MUC7: variants seen among roughly 807,000 people sequenced by gnomAD.
MUC7 encodes the protein mucin 7, secreted, also known as mucin-7.
MUC7 carries 2 observed loss-of-function variants against 2.5 expected under a neutral mutation model. That is an observed-to-expected ratio of 0.81 (90% CI 0.33 to 2.55). The LOEUF (loss-of-function observed/expected upper bound fraction) is 2.55. Ranked by LOEUF, MUC7 falls within the 30% of genes most tolerant of loss-of-function variation. The probability of loss-of-function intolerance (pLI) is 0.11; values close to 1 mark genes in which losing one functional copy is unlikely to be tolerated. For missense variants in MUC7, 408 were observed against 455.6 expected (o/e 0.90, Z 0.95); for synonymous variants, 133 against 173.4 (o/e 0.77, Z 1.83).
intron 1 of MUC7, among the ~76,000 whole-genome samples, chr4:70,452,111 T>C (rs560848024): frequency 6.6e-6 from 1 of 152,312 alleles, no homozygotes; most frequent in African/African-American, 2.4e-5. Context: ...AGAATATATA[T>C]TTTCATTCTT....
At chr4:70,431,155 G>A (rs1350590996) in intron 1 of MUC7, among the ~76,000 whole-genome samples, 1 of 151,926 alleles carries the variant, frequency 6.6e-6, no homozygotes, top group Non-Finnish European at 1.5e-5. Context: ...ATCTCCAGGG[G>A]GAAAAACAGC....
intron 1 of MUC7, among the ~76,000 whole-genome samples, chr4:70,434,670 A>G (rs1446215960): frequency 1.3e-5 from 2 of 152,016 alleles, no homozygotes; most frequent in Non-Finnish European, 2.9e-5. Context: ...CAGCTCCTGG[A>G]TTCATTGATT....
At position 70,481,751 on chromosome 4, in the gene MUC7, C is replaced by T. The variant is rs1577919242; in HGVS notation, c.1007C>T (p.Ser336Leu). Reference sequence around the variant, plus strand: ...GCACCCACACACCAGACTACTACTTCGGTCACTACTCAAACTACTACTACT... The same window carrying T: ...GCACCCACACACCAGACTACTACTTTGGTCACTACTCAAACTACTACTACT... ...SAAPTHQTTT[S>L]VTTQTTTTKQ... Residue 336 changes from serine (S) to leucine (L), a missense_variant, in exon 3 of 3, where the codon TCG (serine) becomes TTG (leucine). Around this residue, in one of 3 missense-constraint regions of MUC7, gnomAD observed 175 missense variants for 187.1 expected, o/e 0.94. Coordinates refer to ENST00000304887, the MANE Select transcript of MUC7 (RefSeq NM_152291.3). 1.2e-6 allele frequency: 2 copies of T among 1,614,226 alleles called. No individual in the cohort carries two copies. The highest frequency in any genetic ancestry group is 8.5e-7 in the Non-Finnish European group (1 of 1,180,042).
At chr4:70,479,604 A>G (rs1248175685) in intron 2 of MUC7, among the ~76,000 whole-genome samples, 1 of 152,220 alleles carries the variant, frequency 6.6e-6, no homozygotes, top group East Asian at 1.9e-4. Flanking sequence ...ATAACTGATC[A>G]CTAAAAAATG....
intron 2 of MUC7, 47 bp from the exon 3 acceptor site, chr4:70,480,752 T>C: frequency 6.3e-7 from 1 of 1,584,848 alleles, no homozygotes; most frequent in Non-Finnish European, 8.6e-7. Flanking sequence ...ACCTGATTGA[T>C]AAATGGATAC....
chr4:70,458,272 T>C (rs1426088005), intron 1 of MUC7, among the ~76,000 whole-genome samples: 1 of 152,018 alleles, frequency 6.6e-6, no homozygotes, highest in African/African-American at 2.4e-5. Flanking sequence ...CTCTACTTAT[T>C]CATAATTTAA....
rs549595095 is a variant in MUC7, at chr4:70,444,080, C to A, written c.-93+13393C>A. 3.3e-5 allele frequency among the ~76,000 whole-genome samples: 5 copies of A among 152,236 alleles called. No individual in the cohort carries two copies. The South Asian group carries it at 1.0e-3, about 32-fold the overall frequency. On this transcript the variant is annotated intron_variant, in intron 1 of 3. Transcript: ENST00000413702. ...CCACTGCTACAAGATCGACTACAAC[C>A]ACTTCCACAAATATTGTGACATTTG... is the stretch of plus-strand genomic sequence containing the variant.
intron 1 of MUC7, among the ~76,000 whole-genome samples, chr4:70,461,975 G>T (rs755594332): frequency 1.3e-5 from 2 of 152,188 alleles, no homozygotes; most frequent in East Asian, 3.9e-4. Context: ...ACTTTGAGAC[G>T]CCAAGGCAGG....
intron 1 of MUC7, among the ~76,000 whole-genome samples, chr4:70,437,099 T>C (rs1373029027): frequency 2.6e-5 from 4 of 151,692 alleles, no homozygotes; most frequent in Admixed American, 1.3e-4. Flanking sequence ...TACCCACCTG[T>C]ATGAGGTGTC....
chr4:70,479,283 T>C (rs960272631), intron 2 of MUC7, among the ~76,000 whole-genome samples: 1 of 152,212 alleles, frequency 6.6e-6, no homozygotes, highest in African/African-American at 2.4e-5. Context: ...CTCAATCACA[T>C]GAGCCTCACG....
At chr4:70,463,320 G>T (rs1204030609) in intron 1 of MUC7, among the ~76,000 whole-genome samples, 1 of 152,154 alleles carries the variant, frequency 6.6e-6, no homozygotes, top group Non-Finnish European at 1.5e-5. Flanking sequence ...AGACAATCTG[G>T]AAAATCCATT....
chr4:70,450,459 C>T (rs1185618570), intron 1 of MUC7, among the ~76,000 whole-genome samples: 3 of 152,164 alleles, frequency 2.0e-5, no homozygotes, highest in African/African-American at 4.8e-5. Context: ...TGTGCTGGTA[C>T]CTAAGGTGCA....
chr4:70,434,552 G>T (rs1202404033), intron 1 of MUC7, among the ~76,000 whole-genome samples: 1 of 152,140 alleles, frequency 6.6e-6, no homozygotes, highest in African/African-American at 2.4e-5. Flanking sequence ...ATTTCTGTGA[G>T]ATAGGTGGTG....
chr4:70,433,328 C>T (rs1201647953), intron 1 of MUC7, among the ~76,000 whole-genome samples: 1 of 152,068 alleles, frequency 6.6e-6, no homozygotes, highest in Non-Finnish European at 1.5e-5. Context: ...GGCAGTATGG[C>T]CATTTTCAAG....
intron 1 of MUC7, among the ~76,000 whole-genome samples, chr4:70,438,466 GT>G (rs1733918951): frequency 6.9e-6 from 1 of 144,596 alleles, no homozygotes; most frequent in Admixed American, 6.7e-5. Context: ...TTTTGGTTTG[GT>G]TTGGTTTTGA....
intron 1 of MUC7, among the ~76,000 whole-genome samples, chr4:70,462,286 A>C (rs1734575668): frequency 6.6e-6 from 1 of 152,240 alleles, no homozygotes; most frequent in South Asian, 2.1e-4. Flanking sequence ...AATCAAAAAT[A>C]AAAAATGAAT....
At chr4:70,455,038 ATT>A (rs929071274) in intron 1 of MUC7, among the ~76,000 whole-genome samples, 1 of 151,972 alleles carries the variant, frequency 6.6e-6, no homozygotes, top group Non-Finnish European at 1.5e-5. Context: ...TATATTTTAT[ATT>A]TTTTTAGCAT....
chr4:70,478,388 C>T (rs1383856505), intron 2 of MUC7, among the ~76,000 whole-genome samples: 1 of 152,130 alleles, frequency 6.6e-6, no homozygotes, highest in Non-Finnish European at 1.5e-5. Context: ...CAAAGAGGGG[C>T]CTTCGTGAGG....
rs758602747 is a variant in MUC7, at chr4:70,481,041, T to C, written c.297T>C (p.Ser99=). The C allele has an allele frequency of 2.0e-5, 33 of 1,613,996 alleles. No individual in the cohort carries two copies. The South Asian group carries it at 3.6e-4, about 18-fold the overall frequency. The change falls in exon 3 of 3, where the codon AGT becomes AGC. Residue 99 remains serine, a synonymous_variant. Coordinates refer to ENST00000304887, the MANE Select transcript of MUC7 (RefSeq NM_152291.3). ...QPPKHPDKNS[S]VVNPTLVATT... ...CTAAACATCCAGATAAAAATAGCAG[T>C]GTGGTCAACCCTACCTTAGTGGCTA...
Sources: gnomAD v4.1 joint callset for allele counts (sites outside exome capture counted in the v4.1 genomes callset) on GRCh38, gnomAD v4.1.1 for gene constraint, gnomAD v4.1.1 regional missense constraint, MANE v1.5 for transcripts, NCBI Gene and HGNC (gene_info 2026-07-23, HGNC 2026-07-21) for gene names.